The following LOC128092253 variants were observed in gnomAD, a reference collection of about 807,000 sequenced individuals.
At chr6:133,954,439 C>T in the LOC128092253 span, among the ~76,000 whole-genome samples, 1 of 152,204 alleles carries the variant, frequency 6.6e-6, no homozygotes, top group Non-Finnish European at 1.5e-5. Context: ...CAGTTCCTTC[C>T]TATTGAGAAG....
the LOC128092253 span, among the ~76,000 whole-genome samples, chr6:133,967,362 T>C: frequency 1.3e-5 from 2 of 152,232 alleles, no homozygotes; most frequent in Non-Finnish European, 2.9e-5. Context: ...ATATTCTTTA[T>C]ATATTAGAGC....
chr6:133,979,274 C>T, the LOC128092253 span, among the ~76,000 whole-genome samples: 11 of 152,102 alleles, frequency 7.2e-5, no homozygotes, highest in Non-Finnish European at 1.5e-4. Context: ...TGAGAAAAGT[C>T]TGTTAGTAAA....
At chr6:133,975,821 A>T in the LOC128092253 span, among the ~76,000 whole-genome samples, 1,319 of 152,314 alleles carry the variant, frequency 8.7e-3, 26 homozygotes, top group African/African-American at 0.03. Flanking sequence ...GAAGAACAGC[A>T]TGGGGAGGCA....
chr6:133,954,307 G>A, the LOC128092253 span, among the ~76,000 whole-genome samples: 259 of 152,352 alleles, frequency 1.7e-3, 8 homozygotes, highest in East Asian at 0.041. Context: ...TGTGACTTAA[G>A]AAAAGGGAGC....
chr6:133,955,689 A>G, the LOC128092253 span, among the ~76,000 whole-genome samples: 2 of 152,256 alleles, frequency 1.3e-5, no homozygotes, highest in Admixed American at 1.3e-4. Context: ...TTAGAAGTCC[A>G]AATGGTAATA....
chr6:133,956,186 A>G, the LOC128092253 span, among the ~76,000 whole-genome samples: 2 of 152,188 alleles, frequency 1.3e-5, no homozygotes, highest in Non-Finnish European at 1.5e-5. Flanking sequence ...GTTGCAGTTG[A>G]TTTTTAGAAG....
At chr6:133,957,303 A>G in the LOC128092253 span, among the ~76,000 whole-genome samples, 14 of 152,354 alleles carry the variant, frequency 9.2e-5, no homozygotes, top group Admixed American at 7.8e-4. Context: ...TTCACCATCC[A>G]TTAATAAAAA....
At chr6:133,974,617 G>A in the LOC128092253 span, among the ~76,000 whole-genome samples, 1 of 152,198 alleles carries the variant, frequency 6.6e-6, no homozygotes, top group Non-Finnish European at 1.5e-5. Context: ...GTAAGCCACC[G>A]TGCCCAGACG....
At chr6:133,958,889 T>G in the LOC128092253 span, among the ~76,000 whole-genome samples, 3 of 152,206 alleles carry the variant, frequency 2.0e-5, no homozygotes, top group Non-Finnish European at 4.4e-5. Flanking sequence ...TTTATAAGCT[T>G]CCACACACTA....
the LOC128092253 span, among the ~76,000 whole-genome samples, chr6:133,959,485 TTTTG>T: frequency 6.6e-6 from 1 of 152,028 alleles, no homozygotes; most frequent in South Asian, 2.1e-4. Flanking sequence ...CTTTCTTTCT[TTTTG>T]TTTTGTTTTG....
At chr6:133,965,493 C>T in the LOC128092253 span, among the ~76,000 whole-genome samples, 2 of 152,066 alleles carry the variant, frequency 1.3e-5, no homozygotes, top group Non-Finnish European at 2.9e-5. Context: ...TCAGTCTTTT[C>T]CTGTTTCATT....
the LOC128092253 span, among the ~76,000 whole-genome samples, chr6:133,972,827 T>C: frequency 6.6e-6 from 1 of 152,232 alleles, no homozygotes; most frequent in Admixed American, 6.5e-5. Context: ...GAACACATAC[T>C]GTATGCTATA....
chr6:133,961,465 CTTTTT>C, the LOC128092253 span, among the ~76,000 whole-genome samples: 4 of 100,208 alleles, frequency 4.0e-5, no homozygotes, highest in Non-Finnish European at 4.0e-5. Context: ...TTCTTTCTTT[CTTTTT>C]TTTTTTTTTT....
the LOC128092253 span, among the ~76,000 whole-genome samples, chr6:133,962,954 A>G: frequency 9.9e-5 from 15 of 152,234 alleles, no homozygotes; most frequent in Non-Finnish European, 1.8e-4. Flanking sequence ...GCTTCTTCAG[A>G]ATCCAGGGAT....
At chr6:133,966,013 G>A in the LOC128092253 span, among the ~76,000 whole-genome samples, 1 of 152,202 alleles carries the variant, frequency 6.6e-6, no homozygotes, top group African/African-American at 2.4e-5. Flanking sequence ...TGGCTAATAA[G>A]TGGTAGAGTC....
At chr6:133,973,871 T>G in the LOC128092253 span, among the ~76,000 whole-genome samples, 1 of 152,270 alleles carries the variant, frequency 6.6e-6, no homozygotes, top group East Asian at 1.9e-4. Flanking sequence ...TATGTCTTAA[T>G]ATTAGGCCTT....
At chr6:133,979,067 G>A in the LOC128092253 span, among the ~76,000 whole-genome samples, 1 of 152,144 alleles carries the variant, frequency 6.6e-6, no homozygotes, top group Admixed American at 6.5e-5. Flanking sequence ...AATCATAGGA[G>A]TCTCGGCAAA....
the LOC128092253 span, among the ~76,000 whole-genome samples, chr6:133,956,180 C>T: frequency 6.6e-6 from 1 of 152,186 alleles, no homozygotes; most frequent in South Asian, 2.1e-4. Context: ...ATGAACGTTG[C>T]AGTTGATTTT....
At chr6:133,961,636 T>A in the LOC128092253 span, among the ~76,000 whole-genome samples, 1 of 151,830 alleles carries the variant, frequency 6.6e-6, no homozygotes, top group Non-Finnish European at 1.5e-5. Flanking sequence ...CCCGACTAGT[T>A]TTTGTATTTA....
Sources: allele counts gnomAD v4.1 joint callset (sites outside exome capture counted in the v4.1 genomes callset), GRCh38; gene constraint gnomAD v4.1.1; transcripts MANE v1.5.